The following ZSWIM4 variants were observed in gnomAD, a reference collection of about 807,000 sequenced individuals.
The protein encoded by ZSWIM4 is zinc finger SWIM-type containing 4, also known as zinc finger SWIM domain-containing protein 4.
ZSWIM4 carries 62 observed loss-of-function variants against 102.5 expected under a neutral mutation model. That is an observed-to-expected ratio of 0.60 (90% CI 0.49 to 0.75). The LOEUF (loss-of-function observed/expected upper bound fraction) is 0.75, where lower values mean the gene tolerates loss of function less well. ZSWIM4 is among the 30% of genes least tolerant of loss of function. The pLI, the probability that ZSWIM4 is intolerant of heterozygous loss-of-function variation, is 0.00. For synonymous variants in ZSWIM4, 652 were observed against 674.5 expected, an observed-to-expected ratio of 0.97 and a Z score of 0.52; for missense variants, 1,280 against 1,529.6, an observed-to-expected ratio of 0.84 and a Z score of 2.72.
intron 3 of ZSWIM4, among the ~76,000 whole-genome samples, chr19:13,808,610 G>A (rs117421530): frequency 0.062 from 9,412 of 151,922 alleles, 381 homozygotes; most frequent in South Asian, 0.13. Context: ...GTAGTGGGGC[G>A]TGCCTGTAAT....
At chr19:13,821,518 C>T (rs536893513) in intron 10 of ZSWIM4, among the ~76,000 whole-genome samples, 1 of 152,148 alleles carries the variant, frequency 6.6e-6, no homozygotes, top group Non-Finnish European at 1.5e-5. Flanking sequence ...GCACGCCAGC[C>T]TGGGCAACAG....
rs1472427902 is a variant in ZSWIM4 at position 13,831,346 on chromosome 19, C to T, written c.*296C>T. 1 of 336,234 alleles carries T rather than the reference C, an allele frequency of 3.0e-6. No individual in the cohort carries two copies. Among genetic ancestry groups the T allele is most frequent in the Non-Finnish European group, 5.4e-6 (1 of 184,228 alleles). The allele number at this position is 336,234 out of a possible 1,614,324, so 20.8% of individuals were successfully genotyped here. ...CCCCAAAAGCAATAGGCAAACTCCC[C>T]TTACCCAGACTGGCTTGGGCTCCAG... On this transcript the variant is annotated 3_prime_UTR_variant, in exon 14 of 14. Coordinates refer to ENST00000590508, the MANE Select transcript of ZSWIM4 (RefSeq NM_001367834.3).
intron 1 of ZSWIM4, 86 bp from the exon 2 acceptor site, chr19:13,799,634 G>A (rs1248047709): frequency 2.2e-6 from 3 of 1,353,134 alleles, no homozygotes; most frequent in East Asian, 2.3e-5. Context: ...CGAACTCTTG[G>A]CCTCAAGCGA....
intron 2 of ZSWIM4, among the ~76,000 whole-genome samples, chr19:13,800,244 CTTTTTTTTTTTTTTTTTTT>C (rs750229248): frequency 0.19 from 5,135 of 26,902 alleles, 131 homozygotes; most frequent in African/African-American, 0.22. Context: ...TTTTGTATTT[CTTTTTTTTTTTTTTTTTTT>C]TTTTTTTTTT....
chr19:13,825,808 C>T lies in ZSWIM4; in HGVS notation c.2379+95C>T. ...TCCCGGGGCATGGGCTGAGTGTGAGCCACTTCGCTGGGGGCCCGGCATTTG... is the reference window on the plus strand; with the variant it reads ...TCCCGGGGCATGGGCTGAGTGTGAGTCACTTCGCTGGGGGCCCGGCATTTG... On this transcript the variant is annotated intron_variant, in intron 12 of 13. Transcript: ENST00000590508. This position sits in a 1 kb window ranked among gnomAD's most constrained non-coding sequence, Gnocchi z 4.6. 5.5e-6 allele frequency: 8 copies of T among 1,447,824 alleles called. No individual in the cohort carries two copies. Among genetic ancestry groups the T allele is most frequent in the Non-Finnish European group, 7.3e-6 (8 of 1,090,940 alleles). 89.7% of individuals were successfully genotyped at this position (1,447,824 alleles called of 1,614,324 possible). A position where few individuals can be genotyped will look rare whatever the true frequency, so the allele number is the denominator to read the frequency against.
rs545434724 is a variant in ZSWIM4 at position 13,829,811 on chromosome 19, C to T, written c.2462-380C>T. Among the ~76,000 whole-genome samples the T allele has an allele frequency of 4.0e-5, 6 of 151,284 alleles. No individual in the cohort carries two copies. The East Asian group carries it at 1.2e-3, about 29-fold the overall frequency. ...CTGCCCTCCAGCCTGGGCAACAGAGCGAGACTCCATCTCAAAAAAAAAAAA... is the reference window on the plus strand; with the variant it reads ...CTGCCCTCCAGCCTGGGCAACAGAGTGAGACTCCATCTCAAAAAAAAAAAA... On this transcript the variant is annotated intron_variant, in intron 13 of 13. Transcript: ENST00000590508.
chr19:13,806,201 C>T (rs1455684555), intron 3 of ZSWIM4, among the ~76,000 whole-genome samples: 1 of 151,376 alleles, frequency 6.6e-6, no homozygotes. Context: ...CACCATCATG[C>T]CCGGCTAATT....
Position 13,825,709 on chromosome 19 carries a change from T to A in ZSWIM4, c.2375T>A (p.Leu792Gln), listed in dbSNP as rs1211285249. Reference protein sequence around the residue: ...TLLGIALELGLQVMRMTLNVM... With the variant: ...TLLGIALELGQQVMRMTLNVM... ...CTGGGCATCGCACTGGAGCTGGGGC[T>A]GCAGGTGAGGGCTGCCAGGTGGATG... is the stretch of plus-strand genomic sequence containing the variant. The change falls in exon 12 of 14, where the codon CTG becomes CAG. Residue 792 changes from leucine to glutamine, a missense_variant. Physicochemically the swap from Leu to Gln is moderately radical, Grantham distance 113. Transcript: ENST00000590508. This position sits in a 1 kb window ranked among gnomAD's most constrained non-coding sequence, Gnocchi z 4.6. The A allele has an allele frequency of 6.2e-7, 1 of 1,608,334 alleles. No individual in the cohort carries two copies. The highest frequency in any genetic ancestry group is 8.5e-7 in the Non-Finnish European group (1 of 1,179,326).
Position 13,825,790 on chromosome 19 carries a change from G to C in ZSWIM4, c.2379+77G>C. 32 of 1,509,988 alleles carry C rather than the reference G, an allele frequency of 2.1e-5. No individual in the cohort carries two copies. The highest frequency in any genetic ancestry group is 2.8e-5 in the Non-Finnish European group (32 of 1,130,532). 93.5% of individuals were successfully genotyped at this position (1,509,988 alleles called of 1,614,324 possible). On this transcript the variant is annotated intron_variant, in intron 12 of 13. Transcript: ENST00000590508. This position sits in a 1 kb window ranked among gnomAD's most constrained non-coding sequence, Gnocchi z 4.6. ...CTGACTGTGAGCTGCGCCTCCCGGG[G>C]CATGGGCTGAGTGTGAGCCACTTCG...
intron 7 of ZSWIM4, among the ~76,000 whole-genome samples, 191 bp from the exon 8 acceptor site, chr19:13,817,025 G>A (rs1975308427): frequency 6.6e-6 from 1 of 152,004 alleles, no homozygotes; most frequent in Admixed American, 6.6e-5. Context: ...GCTATGATTG[G>A]GCCACTGCAC....
At chr19:13,828,519 CT>C in intron 12 of ZSWIM4, 125 bp from the exon 13 acceptor site, 1 of 685,388 alleles carries the variant, frequency 1.5e-6, no homozygotes, top group South Asian at 2.1e-5. Context: ...GTTGAGATCA[CT>C]TACCCGGGTT....
At position 13,808,832 on chromosome 19, in the gene ZSWIM4, G is replaced by C. The variant is rs1426092048; in HGVS notation, c.713-4G>C. 1.9e-6 allele frequency: 3 copies of C among 1,596,352 alleles called. No homozygotes were observed. The highest frequency in any genetic ancestry group is 2.6e-6 in the Non-Finnish European group (3 of 1,170,726). ...CTCAGCTTCCTTTCCCTCCCTCCCG[G>C]CAGGTGCCCCAGACCCCACCGCCGG... On this transcript the variant is annotated splice_polypyrimidine_tract_variant and splice_region_variant and intron_variant, in intron 3 of 13. Coordinates refer to ENST00000590508, the MANE Select transcript of ZSWIM4 (RefSeq NM_001367834.3).
At chr19:13,799,028 C>T (rs544851814) in intron 1 of ZSWIM4, among the ~76,000 whole-genome samples, 1 of 151,994 alleles carries the variant, frequency 6.6e-6, no homozygotes, top group South Asian at 2.1e-4. Flanking sequence ...GACTCAAGTG[C>T]ACCAACTGCC....
In ZSWIM4 at chr19:13,831,089, C is replaced by T. The variant is rs1975756594; in HGVS notation, c.*39C>T. On this transcript the variant is annotated 3_prime_UTR_variant, in exon 14 of 14. Coordinates refer to ENST00000590508, the MANE Select transcript of ZSWIM4 (RefSeq NM_001367834.3). ...GCGTGGGAGTGGGGATCCCCCTCGC[C>T]CCTGCGTCCCCCACCCTTGCTCTCC... 2 of 1,519,370 alleles carry T rather than the reference C, an allele frequency of 1.3e-6. No homozygotes were observed. Among genetic ancestry groups the T allele is most frequent in the African/African-American group, 1.4e-5 (1 of 72,330 alleles). The allele number at this position is 1,519,370 out of a possible 1,614,324, so 94.1% of individuals were successfully genotyped here.
rs938026617 is a variant in ZSWIM4, at chr19:13,828,745, A to G, written c.2461+19A>G. On this transcript the variant is annotated intron_variant, in intron 13 of 13. Coordinates refer to ENST00000590508, the MANE Select transcript of ZSWIM4 (RefSeq NM_001367834.3). ...GAGATTGGTGAGAGCCCCTAAGGGG[A>G]CCTGCCACCCACTTCGCTGTTCTGG... 1.9e-6 allele frequency: 3 copies of G among 1,611,392 alleles called. No individual in the cohort carries two copies. Among genetic ancestry groups the G allele is most frequent in the Admixed American group, 1.7e-5 (1 of 59,970 alleles).
At chr19:13,799,945 G>C in intron 2 of ZSWIM4, 24 bp downstream of exon 2, 1 of 1,597,962 alleles carries the variant, frequency 6.3e-7, no homozygotes, top group Non-Finnish European at 8.5e-7. Context: ...CCCCACTCCT[G>C]CTGGGGAGGC....
At chr19:13,816,986 G>T (rs1975307155) in intron 7 of ZSWIM4, among the ~76,000 whole-genome samples, 1 of 152,142 alleles carries the variant, frequency 6.6e-6, no homozygotes, top group African/African-American at 2.4e-5. Context: ...GAAGCAGGAG[G>T]ATCGCTTGAG....
intron 10 of ZSWIM4, 146 bp from the exon 11 acceptor site, chr19:13,823,200 T>A: frequency 2.8e-6 from 2 of 724,846 alleles, no homozygotes; most frequent in Non-Finnish European, 4.5e-6. Flanking sequence ...GCAGTGAACA[T>A]CTTGCACACA....
intron 5 of ZSWIM4, among the ~76,000 whole-genome samples, chr19:13,811,178 G>T (rs980893901): frequency 6.6e-6 from 1 of 152,100 alleles, no homozygotes; most frequent in Non-Finnish European, 1.5e-5. Context: ...CTCCCAAAGT[G>T]CTGGGATTAC....
Sources: allele counts gnomAD v4.1 joint callset (sites outside exome capture counted in the v4.1 genomes callset), GRCh38; gene constraint gnomAD v4.1.1; non-coding constraint Gnocchi (gnomAD v3.1); transcripts MANE v1.5; gene names NCBI Gene and HGNC (gene_info 2026-07-23, HGNC 2026-07-21).